NUMA1: variants seen among roughly 807,000 people sequenced by gnomAD.
NUMA1 encodes the protein SP-H antigen.
Under a neutral mutation model 237.1 loss-of-function variants are expected in NUMA1, and 62 were observed. The ratio of observed to expected loss-of-function variants is 0.26; its 90% CI spans 0.21 to 0.32. NUMA1 has a LOEUF of 0.32. Ranked by LOEUF, NUMA1 falls within the 10% of genes least tolerant of loss-of-function variation. NUMA1 has a pLI of 1.00. For missense variants in NUMA1, 2,533 were observed against 2,666.5 expected (o/e 0.95, Z 1.10); for synonymous variants, 1,028 against 1,066.1 (o/e 0.96, Z 0.70).
rs774045114 is a variant in NUMA1 at position 72,016,134 on chromosome 11, A to G, written c.1369T>C (p.Phe457Leu). Residue 457 changes from phenylalanine to leucine, a missense_variant, in exon 15 of 27, where the codon TTC becomes CTC. Phe to Leu is a conservative substitution (Grantham distance 22). Around this residue, in one of 3 missense-constraint regions of NUMA1, gnomAD observed 1,414 missense variants for 1,508.1 expected, o/e 0.94. Coordinates refer to ENST00000393695, the MANE Select transcript of NUMA1 (RefSeq NM_006185.4). ...GACAGCTGCTGCTTTTCTTCTTCGA[A>G]GTGGCCCCGCTCAGCAAGCAGCTTG... ...EAKLLAERGH[F>L]EEEKQQLSSL... 4.3e-6 allele frequency: 7 copies of G among 1,613,954 alleles called. No homozygotes were observed. In the South Asian group the frequency reaches 7.7e-5, roughly 18 times the overall value.
At chr11:72,012,779 A>G (rs533150888) in intron 15 of NUMA1, 116 bp downstream of exon 15, 236 of 1,412,550 alleles carry the variant, frequency 1.7e-4, no homozygotes, top group Non-Finnish European at 2.1e-4. Context: ...CACCCAGTGA[A>G]TGAGGAAAGG....
Position 72,008,816 on chromosome 11 carries a change from G to A in NUMA1, c.5088C>T (p.Asp1696=), listed in dbSNP as rs766740383. Residue 1696 remains aspartate (D), a synonymous_variant, in exon 20 of 27, where the codon GAC becomes GAT. Transcript: ENST00000393695. ...CAGTTGCCACCTGGAATTTGCCCAGGTCTCGAAGCTGCTGGTCTGCATGGG... is the reference window on the plus strand; with the variant it reads ...CAGTTGCCACCTGGAATTTGCCCAGATCTCGAAGCTGCTGGTCTGCATGGG... ...QVAHADQQLR[D]LGKFQVATDA... is the part of the protein sequence containing the mutation. 7.4e-6 allele frequency: 12 copies of A among 1,614,038 alleles called. No individual in the cohort carries two copies. The East Asian group carries it at 2.5e-4, about 33-fold the overall frequency.
At chr11:72,065,448 T>C (rs957903219) in intron 2 of NUMA1, 1 of 151,716 alleles carries the variant, frequency 6.6e-6, no homozygotes, top group African/African-American at 2.4e-5. Flanking sequence ...AATGAAAAAA[T>C]GGTAAATGGG....
At chr11:72,031,418 T>C (rs565600691) in intron 3 of NUMA1, among the ~76,000 whole-genome samples, 1 of 152,314 alleles carries the variant, frequency 6.6e-6, no homozygotes, top group Non-Finnish European at 1.5e-5. Context: ...GCATGCACTA[T>C]AGAATTAAGA....
chr11:72,041,397 CTG>C (rs1404244310), intron 2 of NUMA1: 1 of 152,370 alleles, frequency 6.6e-6, no homozygotes, highest in African/African-American at 2.4e-5. Flanking sequence ...CCAAGGCAAA[CTG>C]TGGCATAAAC....
At chr11:72,008,590 A>G (rs1955919631) in intron 20 of NUMA1, 98 bp downstream of exon 20, 5 of 1,349,992 alleles carry the variant, frequency 3.7e-6, no homozygotes, top group Non-Finnish European at 5.3e-6. Flanking sequence ...TTCTCTAAGA[A>G]TAAATTTAGA....
intron 20 of NUMA1, chr11:72,008,357 T>C (rs2503): frequency 0.95 from 381,886 of 403,578 alleles, 181,196 homozygotes; most frequent in Non-Finnish European, 0.98. Flanking sequence ...GTCTTAATAG[T>C]CGGTCTCCAA....
intron 1 of NUMA1, among the ~76,000 whole-genome samples, chr11:72,079,624 C>T (rs1943948146): frequency 6.6e-6 from 1 of 151,988 alleles, no homozygotes; most frequent in Non-Finnish European, 1.5e-5. Flanking sequence ...CAGTGGGCTC[C>T]CGCCCACCCA....
intron 2 of NUMA1, among the ~76,000 whole-genome samples, chr11:72,058,253 G>A (rs1591059746): frequency 6.6e-6 from 1 of 152,236 alleles, no homozygotes; most frequent in South Asian, 2.1e-4. Flanking sequence ...CCTACAAGAT[G>A]AGAAATGGTA....
chr11:72,040,445 T>TACACACAC (rs66621771), intron 2 of NUMA1, among the ~76,000 whole-genome samples: 3 of 136,464 alleles, frequency 2.2e-5, no homozygotes, highest in Admixed American at 1.5e-4. Flanking sequence ...CGCGTACACA[T>TACACACAC]ACACACACAC....
rs770854945 is a variant in NUMA1, at chr11:72,004,215, C to T, written c.6123+10G>A. ...GGCGTCGCTTCATCCCCCTTCAGCC[C>T]CAGCCTCACCTGTTTAGTAGAAGCT... On this transcript the variant is annotated intron_variant, in intron 25 of 26. Coordinates refer to ENST00000393695, the MANE Select transcript of NUMA1 (RefSeq NM_006185.4). 3 of 1,608,582 alleles carry T rather than the reference C, an allele frequency of 1.9e-6. No homozygotes were observed. Among genetic ancestry groups the T allele is most frequent in the Non-Finnish European group, 8.5e-7 (1 of 1,178,250 alleles).
intron 3 of NUMA1, among the ~76,000 whole-genome samples, chr11:72,032,686 TA>T (rs1940491818): frequency 6.6e-6 from 1 of 152,240 alleles, no homozygotes; most frequent in East Asian, 1.9e-4. Context: ...AGTCAGGGCA[TA>T]AAACATGAGA....
Position 72,015,471 on chromosome 11 carries a change from A to C in NUMA1, c.2032T>G (p.Leu678Val), listed in dbSNP as rs778778070. ...TTTTGCTGCTCAGACCGCAGCTGCA[A>C]CTCTAGCTCTGCAACCTGGGCCTGG... ...EAQAQVAELELQLRSEQQKAT... is the reference protein window; with the variant it reads ...EAQAQVAELEVQLRSEQQKAT... The change falls in exon 15 of 27, where the codon TTG becomes GTG. Residue 678 changes from leucine to valine, a missense_variant. Physicochemically the swap from Leu to Val is conservative, Grantham distance 32. This residue lies in a region of NUMA1 where 1,414 missense variants were observed against 1,508.1 expected (regional missense o/e 0.94). Coordinates refer to ENST00000393695, the MANE Select transcript of NUMA1 (RefSeq NM_006185.4). The surrounding 1 kb of genome is among the most constrained non-coding windows in gnomAD (Gnocchi z 4.0). The C allele has an allele frequency of 6.2e-7, 1 of 1,610,852 alleles. No individual in the cohort carries two copies.
At chr11:72,004,599 A>T (rs772384286) in intron 24 of NUMA1, 41 bp downstream of exon 24, 1 of 1,592,530 alleles carries the variant, frequency 6.3e-7, no homozygotes, top group South Asian at 1.1e-5. Context: ...GCCTGACCTG[A>T]GCACAGTGCT....
In NUMA1 at chr11:72,047,714, C is replaced by T. The variant is rs150477915; in HGVS notation, c.-32-11739G>A. On this transcript the variant is annotated intron_variant, in intron 2 of 26. Coordinates refer to ENST00000393695, the MANE Select transcript of NUMA1 (RefSeq NM_006185.4). ...TGTCCTGAGAATTAGACAAGATGAC[C>T]GCAGGGGACAGGCTCTGGATTAGCT... Among the ~76,000 whole-genome samples, 29 of 152,092 alleles carry T rather than the reference C, an allele frequency of 1.9e-4. 1 individual carries two copies. In the East Asian group the frequency reaches 3.7e-3, roughly 19 times the overall value.
intron 9 of NUMA1, 115 bp from the exon 10 acceptor site, chr11:72,019,095 C>A: frequency 8.7e-7 from 1 of 1,150,148 alleles, no homozygotes; most frequent in African/African-American, 1.5e-5. Context: ...AGCTGGGAGG[C>A]CTGTGCACCT....
At position 72,023,060 on chromosome 11, in the gene NUMA1, G is replaced by A. The variant is rs1296576300; in HGVS notation, c.291+5C>T. 6.2e-7 allele frequency: 1 copy of A among 1,610,680 alleles called. No individual in the cohort carries two copies. The highest frequency in any genetic ancestry group is 2.2e-5 in the East Asian group (1 of 44,858). ...TGCCTCCCCAGTCTGGTATTCCATA[G>A]GTACCTTCGCCAGTTCCAGCTCTGA... On this transcript the variant is annotated splice_donor_5th_base_variant and intron_variant, in intron 6 of 26. Transcript: ENST00000393695.
At chr11:72,004,552 GGA>G (rs1955543568) in intron 24 of NUMA1, 86 bp downstream of exon 24, 2 of 1,384,388 alleles carry the variant, frequency 1.4e-6, no homozygotes, top group African/African-American at 1.4e-5. Flanking sequence ...AGTGAGGGAA[GGA>G]GAGAGAAGGC....
chr11:72,015,100 A>T lies in NUMA1; in HGVS notation c.2403T>A (p.Ser801Arg), dbSNP rs750705029. The T allele has an allele frequency of 6.2e-7, 1 of 1,612,868 alleles. No individual in the cohort carries two copies. Among genetic ancestry groups the T allele is most frequent in the Non-Finnish European group, 8.5e-7 (1 of 1,179,790 alleles). The change falls in exon 15 of 27, where the codon AGT becomes AGA. Residue 801 changes from serine (S) to arginine (R), a missense_variant. Coordinates refer to ENST00000393695, the MANE Select transcript of NUMA1 (RefSeq NM_006185.4). The surrounding 1 kb of genome is among the most constrained non-coding windows in gnomAD (Gnocchi z 4.0). ...EAMAAQHTAESECEQLVKEVA... is the reference protein window; with the variant it reads ...EAMAAQHTAERECEQLVKEVA... ...CTTCTTTGACGAGCTGCTCACACTCACTCTCAGCTGTGTGCTGGGCAGCCA... is the reference window on the plus strand; with the variant it reads ...CTTCTTTGACGAGCTGCTCACACTCTCTCTCAGCTGTGTGCTGGGCAGCCA...
Sources: allele counts gnomAD v4.1 joint callset (sites outside exome capture counted in the v4.1 genomes callset), GRCh38; gene constraint gnomAD v4.1.1; regional missense constraint gnomAD v4.1.1; non-coding constraint Gnocchi (gnomAD v3.1); transcripts MANE v1.5; gene names NCBI Gene and HGNC (gene_info 2026-07-23, HGNC 2026-07-21).